The following VAV3 variants were observed in gnomAD, a reference collection of about 807,000 sequenced individuals.
VAV3 encodes the protein vav guanine nucleotide exchange factor 3.
Under a neutral mutation model 131.2 loss-of-function variants are expected in VAV3, and 94 were observed. The observed-to-expected ratio is 0.72, with a 90% CI of 0.61 to 0.85. The LOEUF is 0.85. Ranked by LOEUF, VAV3 falls within the 40% of genes least tolerant of loss-of-function variation. The probability of loss-of-function intolerance (pLI) is 0.00; values close to 1 mark genes in which losing one functional copy is unlikely to be tolerated. For missense variants in VAV3, 939 were observed against 1,002.7 expected (o/e 0.94, Z 0.86); for synonymous variants, 349 against 342.0 (o/e 1.02, Z -0.22).
rs1667130184 is a variant in VAV3, at chr1:107,807,822, T to TA, written c.322-28331dup. On this transcript the variant is annotated intron_variant, in intron 2 of 26. Coordinates refer to ENST00000370056, the MANE Select transcript of VAV3 (RefSeq NM_006113.5). ...AACATGCTTGTTAGATCTTTTTTCCTATTTTGCAGTGAAGGCAGCAATATG... is the reference window on the plus strand; with the variant it reads ...AACATGCTTGTTAGATCTTTTTTCCTAATTTTGCAGTGAAGGCAGCAATATG... 2.6e-5 allele frequency among the ~76,000 whole-genome samples: 4 copies of TA among 152,346 alleles called. 1 individual carries two copies. In the South Asian group the frequency reaches 8.3e-4, roughly 32 times the overall value.
intron 15 of VAV3, among the ~76,000 whole-genome samples, chr1:107,735,585 G>A (rs374410905): frequency 3.3e-5 from 5 of 151,866 alleles, no homozygotes; most frequent in Admixed American, 6.6e-5. Context: ...ACACCTCTAC[G>A]CAAATAAACT....
Position 107,606,686 on chromosome 1 carries a change from TA to T in VAV3, c.2015+3244del, listed in dbSNP as rs1652293588. Among the ~76,000 whole-genome samples the T allele has an allele frequency of 2.0e-5, 3 of 152,036 alleles. No homozygotes were observed. The South Asian group carries it at 6.2e-4, about 31-fold the overall frequency. ...TATTTAACTTATAAGAGCTCCTTTTTATTTTGACTGTTTTCTAAAACATTGA... is the reference window on the plus strand; with the variant it reads ...TATTTAACTTATAAGAGCTCCTTTTTTTTTGACTGTTTTCTAAAACATTGA... On this transcript the variant is annotated intron_variant, in intron 22 of 26. Coordinates refer to ENST00000370056, the MANE Select transcript of VAV3 (RefSeq NM_006113.5).
chr1:107,862,682 AC>A (rs2100988051), intron 2 of VAV3: 1 of 151,704 alleles, frequency 6.6e-6, no homozygotes, highest in African/African-American at 2.4e-5. Flanking sequence ...ACTACATCTT[AC>A]CCTTAAGCCA....
At chr1:107,722,872 G>A (rs1661589012) in intron 15 of VAV3, among the ~76,000 whole-genome samples, 2 of 109,860 alleles carry the variant, frequency 1.8e-5, no homozygotes, top group South Asian at 5.5e-4. Context: ...TTACTAAGTA[G>A]TTCTAATCAT....
chr1:107,894,886 ATTTC>A (rs1209269236), intron 1 of VAV3, among the ~76,000 whole-genome samples: 1 of 152,182 alleles, frequency 6.6e-6, no homozygotes, highest in African/African-American at 2.4e-5. Context: ...CACAGCTAGA[ATTTC>A]TTTATCATAT....
chr1:107,644,474 C>T (rs755074870), intron 19 of VAV3, among the ~76,000 whole-genome samples: 154 of 151,944 alleles, frequency 1.0e-3, no homozygotes, highest in Non-Finnish European at 2.1e-4. Flanking sequence ...TAAATATAGG[C>T]GGAAGTCAAG....
chr1:107,619,233 G>A (rs1653393083), intron 20 of VAV3, among the ~76,000 whole-genome samples: 1 of 152,170 alleles, frequency 6.6e-6, no homozygotes, highest in South Asian at 2.1e-4. Flanking sequence ...GAGCAAGGCT[G>A]CATCACTTGG....
intron 2 of VAV3, among the ~76,000 whole-genome samples, chr1:107,861,680 T>C (rs1669743104): frequency 6.6e-6 from 1 of 151,560 alleles, no homozygotes; most frequent in Non-Finnish European, 1.5e-5. Context: ...CCATTCTAGA[T>C]TGATCATCTT....
At chr1:107,744,741 C>T (rs1016443812) in intron 15 of VAV3, among the ~76,000 whole-genome samples, 1 of 152,240 alleles carries the variant, frequency 6.6e-6, no homozygotes, top group Admixed American at 6.5e-5. Flanking sequence ...TTGCTAGATC[C>T]TATTCACAGT....
intron 15 of VAV3, among the ~76,000 whole-genome samples, chr1:107,721,416 C>T (rs1425661224): frequency 1.3e-5 from 2 of 152,054 alleles, no homozygotes; most frequent in Non-Finnish European, 2.9e-5. Flanking sequence ...ATTTTCAGCA[C>T]TTGAGATGGA....
At chr1:107,578,413 C>T (rs1403720177) in intron 25 of VAV3, among the ~76,000 whole-genome samples, 1 of 152,086 alleles carries the variant, frequency 6.6e-6, no homozygotes, top group Admixed American at 6.5e-5. Context: ...TTTTCATTTT[C>T]TTGAGATCAT....
chr1:107,902,261 A>C (rs1671898349), intron 1 of VAV3, among the ~76,000 whole-genome samples: 1 of 152,346 alleles, frequency 6.6e-6, no homozygotes, highest in Admixed American at 6.5e-5. Context: ...CTAAGTTTCT[A>C]AAGTGATTAA....
chr1:107,812,037 A>C (rs1434763664), intron 2 of VAV3, among the ~76,000 whole-genome samples: 2 of 152,232 alleles, frequency 1.3e-5, no homozygotes, highest in Non-Finnish European at 2.9e-5. Context: ...CAGCCTCTAT[A>C]ACAGCAAGCA....
In VAV3 at chr1:107,932,137, C is replaced by T. The variant is rs1295787784; in HGVS notation, c.204+32529G>A. On this transcript the variant is annotated intron_variant, in intron 1 of 26. Coordinates refer to ENST00000370056, the MANE Select transcript of VAV3 (RefSeq NM_006113.5). Reference sequence around the variant, plus strand: ...AGTGGCATGTCAATTGGTTCATTTACTTTATCTGATGTTACTTTATGTGCT... The same window carrying T: ...AGTGGCATGTCAATTGGTTCATTTATTTTATCTGATGTTACTTTATGTGCT... 2.0e-5 allele frequency among the ~76,000 whole-genome samples: 3 copies of T among 152,186 alleles called. No individual in the cohort carries two copies. In the East Asian group the frequency reaches 5.8e-4, roughly 29 times the overall value.
intron 19 of VAV3, among the ~76,000 whole-genome samples, chr1:107,671,182 T>C (rs1195609413): frequency 1.3e-5 from 2 of 152,220 alleles, no homozygotes; most frequent in Admixed American, 6.5e-5. Flanking sequence ...GAGTAATTCT[T>C]ACTCCCAAGA....
At chr1:107,617,537 G>T in intron 21 of VAV3, 30 bp downstream of exon 21, 1 of 1,579,890 alleles carries the variant, frequency 6.3e-7, no homozygotes, top group Non-Finnish European at 8.6e-7. Context: ...ACAAAATGAA[G>T]CAAGAGAAAA....
Position 107,620,853 on chromosome 1 carries a change from G to A in VAV3, c.1915-3221C>T, listed in dbSNP as rs138634593. 3.0e-3 allele frequency among the ~76,000 whole-genome samples: 458 copies of A among 152,170 alleles called. 2 individuals carry two copies. Among genetic ancestry groups the A allele is most frequent in the African/African-American group, 0.01 (432 of 41,526 alleles). ...ATAGTTGTTTCTTTCTTCCTTTGTA[G>A]AAACAGGTGTTCCACACAAAAGACA... On this transcript the variant is annotated intron_variant, in intron 20 of 26. Transcript: ENST00000370056.
At chr1:107,832,361 G>A (rs1056151112) in intron 2 of VAV3, among the ~76,000 whole-genome samples, 12 of 152,150 alleles carry the variant, frequency 7.9e-5, no homozygotes, top group Non-Finnish European at 1.6e-4. Flanking sequence ...CAAATGCATC[G>A]GCAGAGCAGT....
chr1:107,960,472 A>G (rs1045655860), intron 1 of VAV3, among the ~76,000 whole-genome samples: 6 of 151,968 alleles, frequency 3.9e-5, no homozygotes, highest in African/African-American at 7.2e-5. Flanking sequence ...TCTCAAAAAA[A>G]AAAAGAAAAG....
Sources: gnomAD v4.1 joint callset for allele counts (sites outside exome capture counted in the v4.1 genomes callset) on GRCh38, gnomAD v4.1.1 for gene constraint, MANE v1.5 for transcripts, NCBI Gene and HGNC (gene_info 2026-07-23, HGNC 2026-07-21) for gene names.